The following INPP4B variants were observed in gnomAD, a reference collection of about 807,000 sequenced individuals.
INPP4B encodes inositol polyphosphate 4-phosphatase type II.
INPP4B carries 55 observed loss-of-function variants against 122.5 expected under a neutral mutation model. That is an observed-to-expected ratio of 0.45 (90% CI 0.36 to 0.56). INPP4B has a LOEUF of 0.56. INPP4B is among the 20% of genes least tolerant of loss of function. The pLI is 0.00. For missense variants in INPP4B, 1,000 were observed against 1,097.7 expected, an observed-to-expected ratio of 0.91 and a Z score of 1.26; for synonymous variants, 403 against 388.7, an observed-to-expected ratio of 1.04 and a Z score of -0.43.
chr4:142,652,574 TAACA>T (rs1475823057), intron 2 of INPP4B, among the ~76,000 whole-genome samples: 18 of 150,710 alleles, frequency 1.2e-4, no homozygotes, highest in Admixed American at 8.6e-4. Context: ...TAAACACCAA[TAACA>T]AACAGACAAA....
chr4:142,057,910 G>A (rs1758549866), intron 25 of INPP4B, among the ~76,000 whole-genome samples: 1 of 152,030 alleles, frequency 6.6e-6, no homozygotes, highest in African/African-American at 2.4e-5. Flanking sequence ...GCATCATAGG[G>A]TGTCAGCTTC....
At chr4:142,296,523 A>G (rs185111850) in intron 9 of INPP4B, among the ~76,000 whole-genome samples, 158 of 152,310 alleles carry the variant, frequency 1.0e-3, no homozygotes, top group Non-Finnish European at 1.9e-3. Flanking sequence ...AATAAAAATA[A>G]TAGCTAACAT....
chr4:142,164,384 C>T (rs1295873414), intron 16 of INPP4B, among the ~76,000 whole-genome samples: 1 of 151,826 alleles, frequency 6.6e-6, no homozygotes, highest in Non-Finnish European at 1.5e-5. Context: ...ACAGAAGCAG[C>T]CAATGGCATA....
intron 1 of INPP4B, among the ~76,000 whole-genome samples, chr4:142,817,542 G>A (rs952238341): frequency 2.0e-5 from 3 of 152,066 alleles, no homozygotes; most frequent in African/African-American, 7.2e-5. Context: ...TCCTTTCCAA[G>A]GAGCATGTCT....
chr4:142,468,473 T>C (rs1349319417), intron 2 of INPP4B, among the ~76,000 whole-genome samples: 2 of 152,188 alleles, frequency 1.3e-5, no homozygotes, highest in African/African-American at 2.4e-5. Context: ...CCAAACCTCA[T>C]GTTGAAATTT....
chr4:142,295,752 C>CTT (rs142874073), intron 9 of INPP4B, among the ~76,000 whole-genome samples: 17,367 of 143,732 alleles, frequency 0.12, 1,096 homozygotes, highest in South Asian at 0.23. Flanking sequence ...TTTTTCTTTT[C>CTT]TTTTTTTTTT....
intron 7 of INPP4B, among the ~76,000 whole-genome samples, chr4:142,350,442 T>A (rs979259541): frequency 3.3e-5 from 5 of 152,012 alleles, no homozygotes; most frequent in Non-Finnish European, 5.9e-5. Flanking sequence ...AAGACCTACA[T>A]CAGTTTTCCT....
chr4:142,388,387 T>G (rs2148951946), intron 7 of INPP4B, among the ~76,000 whole-genome samples: 1 of 149,976 alleles, frequency 6.7e-6, no homozygotes, highest in East Asian at 1.9e-4. Flanking sequence ...AAAAAGGGTT[T>G]TTTTTTTTCC....
At chr4:142,542,067 A>C (rs1337168166) in intron 2 of INPP4B, among the ~76,000 whole-genome samples, 2 of 152,158 alleles carry the variant, frequency 1.3e-5, no homozygotes, top group African/African-American at 4.8e-5. Flanking sequence ...ATTTCCAGCA[A>C]GTTCTGCCTG....
chr4:142,345,139 C>T (rs1451222144), intron 7 of INPP4B, among the ~76,000 whole-genome samples: 1 of 151,894 alleles, frequency 6.6e-6, no homozygotes, highest in Non-Finnish European at 1.5e-5. Context: ...CTAACTCATT[C>T]TTATTTGGGG....
At chr4:142,585,929 G>C (rs1041891873) in intron 2 of INPP4B, among the ~76,000 whole-genome samples, 1 of 151,634 alleles carries the variant, frequency 6.6e-6, no homozygotes, top group Non-Finnish European at 1.5e-5. Context: ...TTTCATAGGT[G>C]TACGTGTGCC....
chr4:142,689,573 T>G (rs1475447136), intron 2 of INPP4B, among the ~76,000 whole-genome samples: 1 of 152,192 alleles, frequency 6.6e-6, no homozygotes, highest in African/African-American at 2.4e-5. Flanking sequence ...AAACTCTTTG[T>G]TTAGGGGTCA....
intron 2 of INPP4B, among the ~76,000 whole-genome samples, chr4:142,523,060 T>C (rs1013077470): frequency 6.6e-6 from 1 of 151,940 alleles, no homozygotes; most frequent in African/African-American, 2.4e-5. Flanking sequence ...AGATGAGAAT[T>C]AGAGTTGATT....
At chr4:142,501,457 A>G (rs954597049) in intron 2 of INPP4B, among the ~76,000 whole-genome samples, 5 of 152,188 alleles carry the variant, frequency 3.3e-5, no homozygotes, top group African/African-American at 1.2e-4. Context: ...TGAAGTGAAG[A>G]AGTGAATTAT....
intron 23 of INPP4B, among the ~76,000 whole-genome samples, chr4:142,095,816 TG>T (rs1781564712): frequency 6.6e-6 from 1 of 152,332 alleles, no homozygotes; most frequent in Non-Finnish European, 1.5e-5. Context: ...ACTAGATTGT[TG>T]TTTGTTTCTG....
chr4:142,552,271 CT>C (rs1156630561), intron 2 of INPP4B, among the ~76,000 whole-genome samples: 2 of 152,100 alleles, frequency 1.3e-5, no homozygotes, highest in African/African-American at 4.8e-5. Context: ...AGGGAAGATT[CT>C]GATTAGTAGG....
intron 2 of INPP4B, among the ~76,000 whole-genome samples, chr4:142,559,900 C>T (rs34223306): frequency 0.32 from 47,272 of 149,792 alleles, 8,501 homozygotes; most frequent in East Asian, 0.79. Context: ...TTACATTTCA[C>T]TCATGAAATA....
chr4:142,539,753 A>G (rs1828713591), intron 2 of INPP4B, among the ~76,000 whole-genome samples: 2 of 151,934 alleles, frequency 1.3e-5, no homozygotes, highest in Non-Finnish European at 1.5e-5. Context: ...TTTATTTAAT[A>G]TATTATTAAA....
intron 2 of INPP4B, among the ~76,000 whole-genome samples, chr4:142,666,626 G>T (rs1330960316): frequency 3.3e-5 from 5 of 151,760 alleles, no homozygotes; most frequent in African/African-American, 1.2e-4. Context: ...TTTTAATGTG[G>T]TATTGGCCTT....
Sources: gnomAD v4.1 joint callset for allele counts (sites outside exome capture counted in the v4.1 genomes callset) on GRCh38, gnomAD v4.1.1 for gene constraint, MANE v1.5 for transcripts, NCBI Gene and HGNC (gene_info 2026-07-23, HGNC 2026-07-21) for gene names.